The following GPRASP1 variants were observed in gnomAD, a reference collection of about 807,000 sequenced individuals.
GPRASP1 encodes G protein-coupled receptor associated sorting protein 1.
A neutral mutation model predicts 68.4 loss-of-function variants in GPRASP1; 28 were observed. The observed-to-expected ratio is 0.41, with a 90% confidence interval of 0.30 to 0.56. GPRASP1 has a LOEUF of 0.56. GPRASP1 is among the 20% of genes least tolerant of loss of function. GPRASP1 has a pLI of 0.29. For missense variants in GPRASP1, 913 were observed against 1,031.5 expected (o/e 0.89, Z 1.57); for synonymous variants, 304 against 358.2 (o/e 0.85, Z 1.71).
Position 102,655,360 on chromosome X carries a change from G to T in GPRASP1, c.1447G>T (p.Ala483Ser), listed in dbSNP as rs1057353298. The T allele has an allele frequency of 2.5e-6, 3 of 1,209,943 alleles. No homozygotes were observed. Among genetic ancestry groups the T allele is most frequent in the East Asian group, 5.9e-5 (2 of 33,773 alleles). Reference protein sequence around the residue: ...EKTSMKTGAEATSESILAADD... With the variant: ...EKTSMKTGAESTSESILAADD... ...GACCAGTATGAAAACTGGGGCTGAGGCCACCTCTGAATCTATACTAGCAGC... is the reference window on the plus strand; with the variant it reads ...GACCAGTATGAAAACTGGGGCTGAGTCCACCTCTGAATCTATACTAGCAGC... Residue 483 changes from alanine to serine, a missense_variant, in exon 6 of 6, where the codon GCC becomes TCC. By Grantham distance (99) the Ala-to-Ser change is moderately conservative (BLOSUM62 1). Coordinates refer to ENST00000537097, the MANE Select transcript of GPRASP1 (RefSeq NM_001184727.2).
At position 102,654,747 on chromosome X, in the gene GPRASP1, T is replaced by G. The variant is rs369864268; in HGVS notation, c.834T>G (p.Asp278Glu). 8 of 1,208,962 alleles carry G rather than the reference T, an allele frequency of 6.6e-6. No individual in the cohort carries two copies. Among genetic ancestry groups the G allele is most frequent in the Non-Finnish European group, 9.0e-6 (8 of 893,316 alleles). ...ATACCTGGTCTGGGCCCAGGGAAGATCCCAATAGCAGGTCCAGGTTTAGGT... is the reference window on the plus strand; with the variant it reads ...ATACCTGGTCTGGGCCCAGGGAAGAGCCCAATAGCAGGTCCAGGTTTAGGT... ...KTNTWSGPRE[D>E]PNSRSRFRSK... The change falls in exon 6 of 6, where the codon GAT becomes GAG. Residue 278 changes from aspartate to glutamate, a missense_variant. By Grantham distance (45) the Asp-to-Glu change is conservative. Transcript: ENST00000537097.
rs1398324765 is a variant in GPRASP1 at position 102,654,908 on chromosome X, G to C, written c.995G>C (p.Arg332Thr). ...RAGKEANNRA[R>T]HRAKREACID... is the part of the protein sequence containing the mutation. ...GGGAAGGAGGCCAATAACAGGGCCA[G>C]GCACAGGGCCAAGCGAGAAGCTTGC... The change falls in exon 6 of 6, where the codon AGG (arginine) becomes ACG (threonine). Residue 332 changes from arginine to threonine, a missense_variant. Physicochemically the swap from Arg to Thr is moderately conservative, Grantham distance 71. Transcript: ENST00000537097. 1.7e-6 allele frequency: 2 copies of C among 1,210,774 alleles called. No individual in the cohort carries two copies. Among genetic ancestry groups the C allele is most frequent in the African/African-American group, 1.7e-5 (1 of 57,460 alleles).
Position 102,657,257 on chromosome X carries a change from A to G in GPRASP1, c.3344A>G (p.Tyr1115Cys), listed in dbSNP as rs1326598323. 5 of 1,208,316 alleles carry G rather than the reference A, an allele frequency of 4.1e-6. No individual in the cohort carries two copies. Among genetic ancestry groups the G allele is most frequent in the Admixed American group, 4.4e-5 (2 of 45,767 alleles). Residue 1115 changes from tyrosine (Y) to cysteine (C), a missense_variant, in exon 6 of 6, where the codon TAT becomes TGT. Physicochemically the swap from Tyr to Cys is radical, Grantham distance 194. Coordinates refer to ENST00000537097, the MANE Select transcript of GPRASP1 (RefSeq NM_001184727.2). ...DQPSPEFPFQ[Y>C]DPSYRSVQEI... is the part of the protein sequence containing the mutation. The stretch of plus-strand genomic sequence containing the variant: ...CCTAGTCCTGAGTTCCCATTTCAGT[A>G]TGATCCTTCCTACAGGTCAGTCCAG...
In GPRASP1 at chrX:102,654,561, G is replaced by A. The variant is rs758510524; in HGVS notation, c.648G>A (p.Gly216=). 3.5e-5 allele frequency: 42 copies of A among 1,209,390 alleles called. No homozygotes were observed. The South Asian group carries it at 6.0e-4, about 17-fold the overall frequency. ...GDEVTAKFHP[G]NRVKDSNRSM... ...AGGTCACTGCAAAATTTCATCCTGG[G>A]AATAGGGTAAAAGACAGTAACAGAT... is the stretch of plus-strand genomic sequence containing the variant. The change falls in exon 6 of 6, where the codon GGG becomes GGA. Residue 216 remains glycine, a synonymous_variant. Transcript: ENST00000537097.
rs757469594 is a variant in GPRASP1 at position 102,655,367 on chromosome X, C to A, written c.1454C>A (p.Ser485Tyr). Residue 485 changes from serine to tyrosine, a missense_variant, in exon 6 of 6, where the codon TCT becomes TAT. Transcript: ENST00000537097. ...TSMKTGAEATSESILAADDEQ... is the reference protein window; with the variant it reads ...TSMKTGAEATYESILAADDEQ... Reference sequence around the variant, plus strand: ...ATGAAAACTGGGGCTGAGGCCACCTCTGAATCTATACTAGCAGCTGATGAT... The same window carrying A: ...ATGAAAACTGGGGCTGAGGCCACCTATGAATCTATACTAGCAGCTGATGAT... The A allele has an allele frequency of 8.3e-7, 1 of 1,209,968 alleles. No homozygotes were observed. The highest frequency in any genetic ancestry group is 3.0e-5 in the East Asian group (1 of 33,754).
At chrX:102,652,415 T>A (rs993014740) in intron 3 of GPRASP1, 150 bp downstream of exon 3, 30 of 111,729 alleles carry the variant, frequency 2.7e-4, no homozygotes, top group African/African-American at 9.5e-4. Flanking sequence ...TCCATCCCCA[T>A]CTGCCTCCCC....
In GPRASP1 at chrX:102,657,495, T is replaced by G; in HGVS notation, c.3582T>G (p.Asp1194Glu). The change falls in exon 6 of 6, where the codon GAT (aspartate) becomes GAG (glutamate). Residue 1194 changes from aspartate to glutamate, a missense_variant. Transcript: ENST00000537097. ...ASQFTRDFIRDSGVVSLIETL... is the reference protein window; with the variant it reads ...ASQFTRDFIRESGVVSLIETL... The stretch of plus-strand genomic sequence containing the variant: ...AATTTACCCGAGATTTCATTCGAGA[T>G]TCAGGTGTTGTCTCACTTATTGAAA... The G allele has an allele frequency of 2.5e-6, 3 of 1,212,028 alleles. No homozygotes were observed. The highest frequency in any genetic ancestry group is 3.4e-6 in the Non-Finnish European group (3 of 895,441).
At position 102,656,951 on chromosome X, in the gene GPRASP1, A is replaced by G. The variant is rs1209006963; in HGVS notation, c.3038A>G (p.His1013Arg). The G allele has an allele frequency of 8.3e-7, 1 of 1,211,451 alleles. No homozygotes were observed. Among genetic ancestry groups the G allele is most frequent in the Non-Finnish European group, 1.1e-6 (1 of 895,370 alleles). Reference sequence around the variant, plus strand: ...TGGTTCTGGGCAGGAGATGAGGCCCATTTTGAATCAAATCCTAGCCCCGTG... The same window carrying G: ...TGGTTCTGGGCAGGAGATGAGGCCCGTTTTGAATCAAATCCTAGCCCCGTG... The part of the protein sequence containing the change: ...GSWFWAGDEA[H>R]FESNPSPVFR... The change falls in exon 6 of 6, where the codon CAT becomes CGT. Residue 1013 changes from histidine to arginine, a missense_variant. Physicochemically the swap from His to Arg is conservative, Grantham distance 29. Transcript: ENST00000537097.
In GPRASP1 at chrX:102,656,815, A is replaced by G. The variant is rs1157595567; in HGVS notation, c.2902A>G (p.Ile968Val). The G allele has an allele frequency of 1.7e-6, 2 of 1,211,086 alleles. No homozygotes were observed. Among genetic ancestry groups the G allele is most frequent in the Admixed American group, 2.2e-5 (1 of 46,014 alleles). ...CAAGCCAGAAAATGAGGAAGGGGCC[A>G]TTGTTGGGTCTTGGTTTGAGGCTGA... ...ESKPENEEGA[I>V]VGSWFEAEDE... The change falls in exon 6 of 6, where the codon ATT becomes GTT. Residue 968 changes from isoleucine (I) to valine (V), a missense_variant. Physicochemically the swap from Ile to Val is conservative, Grantham distance 29. Coordinates refer to ENST00000537097, the MANE Select transcript of GPRASP1 (RefSeq NM_001184727.2).
Position 102,656,133 on chromosome X carries a change from G to A in GPRASP1, c.2220G>A (p.Lys740=). The part of the protein sequence containing the change: ...SNIDGTGEKA[K]LLTEEETIIN... ...TAGATGGGACTGGAGAAAAGGCCAA[G>A]TTACTGACTGAAGAGGAGACCATAA... Residue 740 remains lysine, a synonymous_variant, in exon 6 of 6, where the codon AAG becomes AAA. Coordinates refer to ENST00000537097, the MANE Select transcript of GPRASP1 (RefSeq NM_001184727.2). 8.3e-7 allele frequency: 1 copy of A among 1,211,398 alleles called. No individual in the cohort carries two copies. The highest frequency in any genetic ancestry group is 1.8e-5 in the South Asian group (1 of 56,971).
chrX:102,653,184 A>T (rs1044034349), intron 4 of GPRASP1, 37 bp from the exon 5 acceptor site: 4 of 111,371 alleles, frequency 3.6e-5, no homozygotes, highest in Admixed American at 1.9e-4. Flanking sequence ...CCTATCTACC[A>T]TTCTCCATTC....
chrX:102,655,173 A>C lies in GPRASP1; in HGVS notation c.1260A>C (p.Glu420Asp), dbSNP rs1473609286. 1 of 1,210,183 alleles carries C rather than the reference A, an allele frequency of 8.3e-7. No individual in the cohort carries two copies. The highest frequency in any genetic ancestry group is 1.8e-5 in the South Asian group (1 of 56,821). ...CAGACGAGTCCAGCATGGCAGATGA[A>C]GCCAGCATAGAGTCCAGTCTACAAG... ...WATDESSMAD[E>D]ASIESSLQVE... Residue 420 changes from glutamate to aspartate, a missense_variant, in exon 6 of 6, where the codon GAA becomes GAC. Coordinates refer to ENST00000537097, the MANE Select transcript of GPRASP1 (RefSeq NM_001184727.2).
Position 102,651,738 on chromosome X carries a change from G to T in GPRASP1, c.-572+5G>T, listed in dbSNP as rs1382136597. ...GGAGCCGGGCGCTAGAGAGAGGTGC[G>T]CAGTGCCCGAGATCCCTGGCTATGG... On this transcript the variant is annotated splice_donor_5th_base_variant and intron_variant, in intron 2 of 5. Coordinates refer to ENST00000537097, the MANE Select transcript of GPRASP1 (RefSeq NM_001184727.2). 8.9e-6 allele frequency: 1 copy of T among 112,364 alleles called. No individual in the cohort carries two copies. The highest frequency in any genetic ancestry group is 3.2e-5 in the African/African-American group (1 of 30,894). The allele number at this position is 112,364 out of a possible 1,213,427, so 9.3% of individuals were successfully genotyped here.
chrX:102,655,433 A>T lies in GPRASP1; in HGVS notation c.1520A>T (p.Glu507Val). 2.5e-6 allele frequency: 3 copies of T among 1,211,445 alleles called. No homozygotes were observed. The highest frequency in any genetic ancestry group is 3.4e-6 in the Non-Finnish European group (3 of 895,263). ...IIGSWFWAGE[E>V]VNQEAEEETI... is the part of the protein sequence containing the mutation. ...GGTTCCTGGTTCTGGGCTGGTGAAG[A>T]GGTCAACCAAGAGGCTGAGGAAGAG... is the stretch of plus-strand genomic sequence containing the variant. Residue 507 changes from glutamate (E) to valine (V), a missense_variant, in exon 6 of 6, where the codon GAG becomes GTG. Coordinates refer to ENST00000537097, the MANE Select transcript of GPRASP1 (RefSeq NM_001184727.2).
In GPRASP1 at chrX:102,655,774, G is replaced by A. The variant is rs961727612; in HGVS notation, c.1861G>A (p.Val621Ile). 4.1e-6 allele frequency: 5 copies of A among 1,209,207 alleles called. No homozygotes were observed. In the African/African-American group the frequency reaches 8.8e-5, roughly 21 times the overall value. ...TATTGGGTCCTGGTTTTGGACCAGA[G>A]TAGAAGCTTGTGTGGAGGGTGATGT... is the stretch of plus-strand genomic sequence containing the variant. ...PIIGSWFWTRVEACVEGDVNS... is the reference protein window; with the variant it reads ...PIIGSWFWTRIEACVEGDVNS... Residue 621 changes from valine to isoleucine, a missense_variant, in exon 6 of 6, where the codon GTA (valine) becomes ATA (isoleucine). Transcript: ENST00000537097.
At position 102,657,522 on chromosome X, in the gene GPRASP1, C is replaced by T; in HGVS notation, c.3609C>T (p.Thr1203=). The T allele has an allele frequency of 8.3e-7, 1 of 1,212,040 alleles. No individual in the cohort carries two copies. The highest frequency in any genetic ancestry group is 1.8e-5 in the South Asian group (1 of 57,014). Residue 1203 remains threonine, a synonymous_variant, in exon 6 of 6, where the codon ACC becomes ACT. Coordinates refer to ENST00000537097, the MANE Select transcript of GPRASP1 (RefSeq NM_001184727.2). ...RDSGVVSLIE[T]LLNYPSSRVR... Reference sequence around the variant, plus strand: ...CAGGTGTTGTCTCACTTATTGAAACCTTGCTTAATTATCCGTCCTCCCGAG... The same window carrying T: ...CAGGTGTTGTCTCACTTATTGAAACTTTGCTTAATTATCCGTCCTCCCGAG...
Position 102,656,871 on chromosome X carries a change from A to G in GPRASP1, c.2958A>G (p.Gly986=), listed in dbSNP as rs759420252. The G allele has an allele frequency of 8.3e-7, 1 of 1,208,247 alleles. No homozygotes were observed. Among genetic ancestry groups the G allele is most frequent in the East Asian group, 3.0e-5 (1 of 33,684 alleles). The part of the protein sequence containing the change: ...EDEVDNRTDN[G]SNCGSRTLAD... ...AGGTAGATAACAGGACTGACAATGG[A>G]AGCAACTGTGGGTCCAGGACATTAG... The change falls in exon 6 of 6, where the codon GGA becomes GGG. Residue 986 remains glycine (G), a synonymous_variant. Coordinates refer to ENST00000537097, the MANE Select transcript of GPRASP1 (RefSeq NM_001184727.2).
rs1315128619 is a variant in GPRASP1 at position 102,653,825 on chromosome X, G to C, written c.-89G>C. Reference sequence around the variant, plus strand: ...TATCCTCAATCACCTAAAGATCAGAGTGTGAAGAAACAAACCTGTGACAGA... The same window carrying C: ...TATCCTCAATCACCTAAAGATCAGACTGTGAAGAAACAAACCTGTGACAGA... On this transcript the variant is annotated 5_prime_UTR_variant, in exon 6 of 6. Transcript: ENST00000537097. The C allele has an allele frequency of 1.4e-6, 1 of 705,580 alleles. No individual in the cohort carries two copies. Among genetic ancestry groups the C allele is most frequent in the Non-Finnish European group, 2.2e-6 (1 of 462,799 alleles). The allele number at this position is 705,580 out of a possible 1,213,427, so 58.1% of individuals were successfully genotyped here.
At position 102,656,962 on chromosome X, in the gene GPRASP1, A is replaced by T. The variant is rs1486876166; in HGVS notation, c.3049A>T (p.Asn1017Tyr). Residue 1017 changes from asparagine (N) to tyrosine (Y), a missense_variant, in exon 6 of 6, where the codon AAT (asparagine) becomes TAT (tyrosine). By Grantham distance (143) the Asn-to-Tyr change is moderately radical (BLOSUM62 -2). Transcript: ENST00000537097. ...AGGAGATGAGGCCCATTTTGAATCAAATCCTAGCCCCGTGTTCAGGGCCAT... is the reference window on the plus strand; with the variant it reads ...AGGAGATGAGGCCCATTTTGAATCATATCCTAGCCCCGTGTTCAGGGCCAT... ...WAGDEAHFES[N>Y]PSPVFRAICR... 3 of 1,211,508 alleles carry T rather than the reference A, an allele frequency of 2.5e-6. No individual in the cohort carries two copies. Among genetic ancestry groups the T allele is most frequent in the South Asian group, 1.8e-5 (1 of 56,952 alleles).
Sources: gnomAD v4.1 joint callset for allele counts on GRCh38, gnomAD v4.1.1 for gene constraint, MANE v1.5 for transcripts, NCBI Gene and HGNC (gene_info 2026-07-23, HGNC 2026-07-21) for gene names.